Variants in ZFAT observed in about 807,000 individuals in gnomAD.
ZFAT encodes the protein zinc finger protein ZFAT.
ZFAT carries 64 observed loss-of-function variants against 117.7 expected under a neutral mutation model. The ratio of observed to expected loss-of-function variants is 0.54; its 90% CI spans 0.44 to 0.67. ZFAT has a LOEUF of 0.67. Ranked by LOEUF, ZFAT falls within the 30% of genes least tolerant of loss-of-function variation. ZFAT has a pLI of 0.00. For missense variants in ZFAT, 1,433 were observed against 1,584.5 expected, an observed-to-expected ratio of 0.90 and a Z score of 1.62; for synonymous variants, 679 against 615.0, an observed-to-expected ratio of 1.10 and a Z score of -1.54.
intron 15 of ZFAT, among the ~76,000 whole-genome samples, chr8:134,481,609 G>T (rs1477848749): frequency 1.3e-5 from 2 of 152,194 alleles, no homozygotes; most frequent in African/African-American, 4.8e-5. Context: ...GGAGAACCAC[G>T]CCAGGACCAG....
chr8:134,577,608 C>CTTTGAAT (rs1288644830), intron 10 of ZFAT, among the ~76,000 whole-genome samples: 2 of 152,172 alleles, frequency 1.3e-5, no homozygotes, highest in African/African-American at 4.8e-5. Context: ...TCAATAAACA[C>CTTTGAAT]AAATTTATTG....
At chr8:134,562,190 A>G (rs1170810686) in intron 11 of ZFAT, among the ~76,000 whole-genome samples, 1 of 152,166 alleles carries the variant, frequency 6.6e-6, no homozygotes, top group Non-Finnish European at 1.5e-5. Flanking sequence ...GCCAAGGAAT[A>G]CAGGTCGCGT....
intron 3 of ZFAT, among the ~76,000 whole-genome samples, chr8:134,619,816 G>A (rs575906801): frequency 6.6e-6 from 1 of 152,288 alleles, no homozygotes; most frequent in Admixed American, 6.5e-5. Context: ...CCCTTATAAA[G>A]ATAAGGAGTC....
At chr8:134,689,345 G>A (rs552961844) in intron 1 of ZFAT, among the ~76,000 whole-genome samples, 7 of 152,364 alleles carry the variant, frequency 4.6e-5, no homozygotes, top group African/African-American at 1.7e-4. Context: ...CTGCTCCACA[G>A]GAGCGGTAAC....
the ZFAT span, chr8:134,793,043 T>C: frequency 6.6e-6 from 1 of 152,190 alleles, no homozygotes; most frequent in African/African-American, 2.4e-5. Context: ...GTTGAGAATG[T>C]GGCCAGATTT....
At chr8:134,736,456 G>A in the ZFAT span, among the ~76,000 whole-genome samples, 1 of 152,156 alleles carries the variant, frequency 6.6e-6, no homozygotes, top group Non-Finnish European at 1.5e-5. Context: ...TGTCATCTTT[G>A]TTATACAAAC....
At chr8:134,573,925 T>A (rs1325075504) in intron 10 of ZFAT, among the ~76,000 whole-genome samples, 2 of 152,236 alleles carry the variant, frequency 1.3e-5, no homozygotes, top group Middle Eastern at 3.2e-3. Flanking sequence ...AGTCAGAGAA[T>A]CTGAGCTCTG....
the ZFAT span, among the ~76,000 whole-genome samples, chr8:134,724,952 G>A: frequency 5.8e-4 from 89 of 152,246 alleles, no homozygotes; most frequent in Admixed American, 1.4e-3. Context: ...GCTCTCCACC[G>A]CAAGCTCAGT....
chr8:134,755,795 G>T, the ZFAT span, among the ~76,000 whole-genome samples: 1 of 105,830 alleles, frequency 9.4e-6, no homozygotes. Context: ...CTGGGCGACA[G>T]AGCAAAAGCA....
intron 11 of ZFAT, among the ~76,000 whole-genome samples, chr8:134,561,883 G>A (rs721001): frequency 4.6e-5 from 7 of 151,954 alleles, no homozygotes; most frequent in Admixed American, 1.3e-4. Flanking sequence ...GAAGAAAAGT[G>A]GGGGGGTATG....
chr8:134,636,230 G>A (rs566542406), intron 3 of ZFAT, among the ~76,000 whole-genome samples: 1 of 152,208 alleles, frequency 6.6e-6, no homozygotes, highest in Non-Finnish European at 1.5e-5. Flanking sequence ...GGTCAGAGTA[G>A]GATGGCCTGG....
the ZFAT span, among the ~76,000 whole-genome samples, chr8:134,774,715 A>G: frequency 0.45 from 69,149 of 152,142 alleles, 16,399 homozygotes; most frequent in African/African-American, 0.59. Context: ...GGTCTAGAAC[A>G]GAACCCACAA....
intron 7 of ZFAT, among the ~76,000 whole-genome samples, chr8:134,595,141 T>C (rs1826832345): frequency 2.0e-5 from 3 of 152,174 alleles, no homozygotes; most frequent in Admixed American, 2.0e-4. Flanking sequence ...GGGTCACCCA[T>C]CTGACAGCAA....
At chr8:134,815,448 T>C in the ZFAT span, among the ~76,000 whole-genome samples, 1 of 152,202 alleles carries the variant, frequency 6.6e-6, no homozygotes, top group African/African-American at 2.4e-5. Context: ...TTTGCTAACG[T>C]TTCACAGCTA....
chr8:134,657,431 A>G lies in ZFAT; in HGVS notation c.196+130T>C. Reference sequence around the variant, plus strand: ...GGCACAATCTTATTTGAGCATATCTACAATTGGAGACTTATTGTGACTTCT... The same window carrying G: ...GGCACAATCTTATTTGAGCATATCTGCAATTGGAGACTTATTGTGACTTCT... On this transcript the variant is annotated intron_variant, in intron 2 of 15. Coordinates refer to ENST00000377838, the MANE Select transcript of ZFAT (RefSeq NM_020863.4). 5 of 947,044 alleles carry G rather than the reference A, an allele frequency of 5.3e-6. No homozygotes were observed. The South Asian group carries it at 1.0e-4, about 19-fold the overall frequency. The allele number at this position is 947,044 out of a possible 1,614,324, so 58.7% of individuals were successfully genotyped here.
the ZFAT span, chr8:134,793,374 C>T: frequency 6.6e-6 from 1 of 152,234 alleles, no homozygotes; most frequent in Non-Finnish European, 1.5e-5. Flanking sequence ...AGACTTGACA[C>T]TGGAACTGAG....
chr8:134,514,785 T>A (rs896397942), intron 13 of ZFAT, among the ~76,000 whole-genome samples: 9 of 152,186 alleles, frequency 5.9e-5, no homozygotes, highest in Admixed American at 4.6e-4. Context: ...TTAACCAACT[T>A]CAGCAATTAT....
the ZFAT span, among the ~76,000 whole-genome samples, chr8:134,789,580 A>G: frequency 6.6e-6 from 1 of 152,176 alleles, no homozygotes; most frequent in Non-Finnish European, 1.5e-5. Flanking sequence ...CCTTATCTGG[A>G]ATGTGAGCAC....
chr8:134,503,925 C>A (rs1298374506), intron 15 of ZFAT, among the ~76,000 whole-genome samples: 1 of 148,196 alleles, frequency 6.7e-6, no homozygotes. Context: ...AACACACACA[C>A]ACACACACGC....
Sources: allele counts gnomAD v4.1 joint callset (sites outside exome capture counted in the v4.1 genomes callset), GRCh38; gene constraint gnomAD v4.1.1; transcripts MANE v1.5; gene names NCBI Gene and HGNC (gene_info 2026-07-23, HGNC 2026-07-21).